MYO1B: variants seen among roughly 807,000 people sequenced by gnomAD.
MYO1B encodes the protein myosin IB.
MYO1B carries 72 observed loss-of-function variants against 159.7 expected under a neutral mutation model. That is an observed-to-expected ratio of 0.45 (90% CI 0.37 to 0.55). The LOEUF (loss-of-function observed/expected upper bound fraction) is 0.55. Among genes scored for constraint, MYO1B ranks in the 20% least tolerant of loss-of-function variants. The pLI, the probability that MYO1B is intolerant of heterozygous loss-of-function variation, is 0.00. For synonymous variants in MYO1B, 468 were observed against 473.8 expected (o/e 0.99, Z 0.16); for missense variants, 1,062 against 1,364.8 (o/e 0.78, Z 3.50).
At chr2:191,296,710 TG>T (rs1249885773) in intron 3 of MYO1B, among the ~76,000 whole-genome samples, 1 of 152,202 alleles carries the variant, frequency 6.6e-6, no homozygotes, top group Non-Finnish European at 1.5e-5. Context: ...TCACTTACTC[TG>T]GAAAGTCACT....
intron 13 of MYO1B, among the ~76,000 whole-genome samples, chr2:191,370,526 T>G (rs1161582462): frequency 6.6e-6 from 1 of 150,648 alleles, no homozygotes; most frequent in East Asian, 1.9e-4. Context: ...TGTGTGTGTG[T>G]GGTGTGCGTA....
chr2:191,300,339 ATTTTT>A (rs35917445), intron 3 of MYO1B, among the ~76,000 whole-genome samples: 142 of 140,906 alleles, frequency 1.0e-3, no homozygotes, highest in Admixed American at 1.1e-3. Flanking sequence ...TTACTTGTCA[ATTTTT>A]TTTTTTTTTT....
intron 7 of MYO1B, among the ~76,000 whole-genome samples, chr2:191,356,204 C>G (rs986011310): frequency 6.6e-6 from 1 of 152,110 alleles, no homozygotes; most frequent in African/African-American, 2.4e-5. Context: ...GACTTCCTGT[C>G]TATGGGTCAG....
chr2:191,245,443 C>T lies in MYO1B; in HGVS notation c.-193C>T, dbSNP rs1238530370. On this transcript the variant is annotated 5_prime_UTR_variant, in exon 1 of 31. Coordinates refer to ENST00000392318, the MANE Select transcript of MYO1B (RefSeq NM_001130158.3). ...TGGGTGCGCACGGGAGCCTCAACCG[C>T]GGCGCGTGGAGGCAGTACCAGAGCG... 6.6e-6 allele frequency: 1 copy of T among 152,026 alleles called. No homozygotes were observed. Among genetic ancestry groups the T allele is most frequent in the Non-Finnish European group, 1.5e-5 (1 of 68,000 alleles). 9.4% of individuals were successfully genotyped at this position (152,026 alleles called of 1,614,324 possible).
chr2:191,418,311 A>G (rs922808436), intron 30 of MYO1B, among the ~76,000 whole-genome samples: 11 of 152,034 alleles, frequency 7.2e-5, no homozygotes, highest in African/African-American at 1.9e-4. Flanking sequence ...CGCTAGCTCT[A>G]TAGAACCAGT....
At chr2:191,283,535 G>C (rs1263063819) in intron 2 of MYO1B, among the ~76,000 whole-genome samples, 4 of 152,154 alleles carry the variant, frequency 2.6e-5, no homozygotes, top group Non-Finnish European at 5.9e-5. Context: ...ACCAGCTGCT[G>C]TTCTAAGCAC....
chr2:191,370,325 A>G (rs778165451), intron 13 of MYO1B, 33 bp downstream of exon 13: 1 of 1,445,490 alleles, frequency 6.9e-7, no homozygotes, highest in Non-Finnish European at 9.7e-7. Flanking sequence ...TATTGTCTTT[A>G]GTAGAGTGGA....
At chr2:191,303,681 G>C (rs1487317373) in intron 3 of MYO1B, among the ~76,000 whole-genome samples, 1 of 149,640 alleles carries the variant, frequency 6.7e-6, no homozygotes, top group African/African-American at 2.5e-5. Flanking sequence ...AAAGGGAAGA[G>C]CAGAGGAAGG....
chr2:191,253,061 G>GA (rs71030331), intron 1 of MYO1B, among the ~76,000 whole-genome samples: 43,299 of 148,914 alleles, frequency 0.29, 6,573 homozygotes, highest in Middle Eastern at 0.45. Context: ...TAGTAAGTTG[G>GA]AAAAAAAAAC....
At chr2:191,355,586 C>T (rs981829937) in intron 7 of MYO1B, among the ~76,000 whole-genome samples, 4 of 152,214 alleles carry the variant, frequency 2.6e-5, no homozygotes, top group African/African-American at 7.2e-5. Context: ...TGATTGACAA[C>T]GCTAAGCAAC....
At chr2:191,418,600 C>T (rs1697730473) in intron 30 of MYO1B, among the ~76,000 whole-genome samples, 1 of 137,458 alleles carries the variant, frequency 7.3e-6, no homozygotes, top group African/African-American at 2.7e-5. Context: ...AGGGATTATT[C>T]TGCCTCAGCC....
intron 1 of MYO1B, among the ~76,000 whole-genome samples, chr2:191,269,256 C>A (rs13427761): frequency 6.6e-6 from 1 of 151,954 alleles, no homozygotes; most frequent in African/African-American, 2.4e-5. Flanking sequence ...TCGTATATTT[C>A]TACTCTTGGG....
At chr2:191,402,442 CA>C (rs1696671827) in intron 23 of MYO1B, 189 bp from the exon 24 acceptor site, 1 of 586,970 alleles carries the variant, frequency 1.7e-6, no homozygotes, top group African/African-American at 1.9e-5. Flanking sequence ...AATCTCAGTG[CA>C]CTGAAAATAT....
In MYO1B at chr2:191,411,053, TC is replaced by T. The variant is rs1697223816; in HGVS notation, c.2767-12del. ...TAAATGATGTTTTGTTTCTTTCTTC[TC>T]ATATCTCACAGTGTAAAAAATACAG... is the stretch of plus-strand genomic sequence containing the variant. On this transcript the variant is annotated splice_polypyrimidine_tract_variant and intron_variant, in intron 26 of 30. Coordinates refer to ENST00000392318, the MANE Select transcript of MYO1B (RefSeq NM_001130158.3). 1.4e-6 allele frequency: 2 copies of T among 1,459,274 alleles called. No homozygotes were observed. Among genetic ancestry groups the T allele is most frequent in the Non-Finnish European group, 1.9e-6 (2 of 1,060,568 alleles). The allele number at this position is 1,459,274 out of a possible 1,614,324, so 90.4% of individuals were successfully genotyped here. A position where few individuals can be genotyped will look rare whatever the true frequency, so the allele number is the denominator to read the frequency against.
rs561447071 is a variant in MYO1B at position 191,416,058 on chromosome 2, A to G, written c.3160-57A>G. 3 of 1,566,122 alleles carry G rather than the reference A, an allele frequency of 1.9e-6. No homozygotes were observed. In the South Asian group the frequency reaches 3.6e-5, roughly 19 times the overall value. The stretch of plus-strand genomic sequence containing the variant: ...AAGTATGTTTTTAGCCAAGCCTGTA[A>G]ATATTGACCTTCTAAGGTATCTTTA... On this transcript the variant is annotated intron_variant, in intron 29 of 30. Transcript: ENST00000392318.
chr2:191,252,010 C>T (rs1445093713), intron 1 of MYO1B, among the ~76,000 whole-genome samples: 2 of 152,192 alleles, frequency 1.3e-5, no homozygotes, highest in African/African-American at 4.8e-5. Flanking sequence ...TACTAGCTTC[C>T]TAACTGATCA....
At chr2:191,312,006 A>ATT in intron 3 of MYO1B, among the ~76,000 whole-genome samples, 2 of 152,226 alleles carry the variant, frequency 1.3e-5, no homozygotes, top group Non-Finnish European at 2.9e-5. Context: ...TTGATTGTTA[A>ATT]TGTCATACTT....
At chr2:191,293,328 C>T (rs780136370) in intron 2 of MYO1B, among the ~76,000 whole-genome samples, 8 of 152,132 alleles carry the variant, frequency 5.3e-5, no homozygotes, top group Non-Finnish European at 8.8e-5. Context: ...CAGAGTCAAA[C>T]GACATTTAGG....
intron 3 of MYO1B, among the ~76,000 whole-genome samples, chr2:191,327,928 G>T (rs930660417): frequency 1.3e-5 from 2 of 152,200 alleles, no homozygotes; most frequent in African/African-American, 4.8e-5. Flanking sequence ...TGATATGAAG[G>T]TTACAAAATA....
Sources: allele counts gnomAD v4.1 joint callset (sites outside exome capture counted in the v4.1 genomes callset), GRCh38; gene constraint gnomAD v4.1.1; transcripts MANE v1.5; gene names NCBI Gene and HGNC (gene_info 2026-07-23, HGNC 2026-07-21).